Variants in USP40 observed in about 807,000 individuals in gnomAD.
The protein encoded by USP40 is ubiquitin specific peptidase 40, also known as ubiquitin carboxyl-terminal hydrolase 40.
A neutral mutation model predicts 166.2 loss-of-function variants in USP40; 143 were observed. That is an observed-to-expected ratio of 0.86 (90% CI 0.75 to 0.99). The LOEUF (loss-of-function observed/expected upper bound fraction) is 0.99, where lower values mean the gene tolerates loss of function less well. USP40 is among the 50% of genes least tolerant of loss of function. The pLI, the probability that USP40 is intolerant of heterozygous loss-of-function variation, is 0.00. For missense variants in USP40, 1,444 were observed against 1,479.7 expected, an observed-to-expected ratio of 0.98 and a Z score of 0.40; for synonymous variants, 498 against 524.0, an observed-to-expected ratio of 0.95 and a Z score of 0.68.
intron 28 of USP40, chr2:233,487,670 GAAC>G (rs1467239920): frequency 9.7e-6 from 2 of 206,748 alleles, no homozygotes; most frequent in Non-Finnish European, 2.0e-5. Context: ...AGCGAAAAAA[GAAC>G]AAGATGGTTT....
At chr2:233,482,354 A>G (rs1397362072) in intron 30 of USP40, among the ~76,000 whole-genome samples, 1 of 146,902 alleles carries the variant, frequency 6.8e-6, no homozygotes, top group African/African-American at 2.5e-5. Flanking sequence ...ACAGAGTGAG[A>G]CTCTGTCTCA....
rs11269235 is a variant in USP40 at position 233,553,061 on chromosome 2, T to TACTGGCCATAGGTACA, written c.693+1318_693+1319insTGTACCTATGGCCAGT. Among the ~76,000 whole-genome samples, 2 of 152,002 alleles carry TACTGGCCATAGGTACA rather than the reference T, an allele frequency of 1.3e-5. 1 individual carries two copies. The highest frequency in any genetic ancestry group is 4.2e-4 in the South Asian group (2 of 4,812). ...AACGACAGCAGCAGGGTTGATGCCA[T>TACTGGCCATAGGTACA]AGAAGCTGAGAAGGAAGGGACAGAG... On this transcript the variant is annotated intron_variant, in intron 6 of 31. Transcript: ENST00000678225.
At chr2:233,502,265 G>A (rs1343512280) in intron 21 of USP40, among the ~76,000 whole-genome samples, 2 of 152,080 alleles carry the variant, frequency 1.3e-5, no homozygotes, top group East Asian at 1.9e-4. Context: ...AAAAAACTGG[G>A]AAAATACCTG....
intron 11 of USP40, among the ~76,000 whole-genome samples, chr2:233,529,814 C>CCTTTTT (rs1553568210): frequency 6.0e-5 from 8 of 133,950 alleles, no homozygotes; most frequent in African/African-American, 2.3e-4. Context: ...TTTTCTTTTT[C>CCTTTTT]TTTTTTTTTT....
chr2:233,558,139 G>A (rs2071265812), intron 4 of USP40, among the ~76,000 whole-genome samples: 1 of 151,788 alleles, frequency 6.6e-6, no homozygotes, highest in Non-Finnish European at 1.5e-5. Context: ...TGGCTATGAT[G>A]GGATAGAAAA....
In USP40 at chr2:233,493,892, G is replaced by A. The variant is rs961390036; in HGVS notation, c.2791-341C>T. Among the ~76,000 whole-genome samples, 7 of 152,166 alleles carry A rather than the reference G, an allele frequency of 4.6e-5. No homozygotes were observed. The highest frequency in any genetic ancestry group is 7.3e-5 in the Non-Finnish European group (5 of 68,034). On this transcript the variant is annotated intron_variant, in intron 24 of 31. Transcript: ENST00000678225. The surrounding 1 kb of genome is among the most constrained non-coding windows in gnomAD (Gnocchi z 4.7). ...CAAGCACTGCTGGCCCAGGATACCA[G>A]TCCCAGCAGTGCAGTTTATCACACA...
chr2:233,531,525 G>T (rs1308186478), intron 11 of USP40, among the ~76,000 whole-genome samples: 1 of 152,064 alleles, frequency 6.6e-6, no homozygotes, highest in Non-Finnish European at 1.5e-5. Context: ...TCCATTTGAA[G>T]ATATTCTTTT....
chr2:233,549,236 G>GA lies in USP40; in HGVS notation c.838-8dup, dbSNP rs748008749. 1.2e-5 allele frequency: 16 copies of GA among 1,349,912 alleles called. No individual in the cohort carries two copies. In the East Asian group the frequency reaches 3.2e-4, roughly 27 times the overall value. 83.6% of individuals were successfully genotyped at this position (1,349,912 alleles called of 1,614,324 possible). On this transcript the variant is annotated splice_region_variant and splice_polypyrimidine_tract_variant and intron_variant, in intron 7 of 31. Transcript: ENST00000678225. Reference sequence around the variant, plus strand: ...CTAAGTCATCCAATTCACTCTAAAAGAAAAAAGAACAAAAATATTGATATA... The same window carrying GA: ...CTAAGTCATCCAATTCACTCTAAAAGAAAAAAAGAACAAAAATATTGATATA...
At chr2:233,494,248 T>C (rs1312122768) in intron 24 of USP40, among the ~76,000 whole-genome samples, 2 of 151,472 alleles carry the variant, frequency 1.3e-5, no homozygotes, top group East Asian at 3.8e-4. Flanking sequence ...ATTAAATAAA[T>C]GTAAATCAGA....
At position 233,480,940 on chromosome 2, in the gene USP40, A is replaced by C. The variant is rs560906841; in HGVS notation, c.3599+263T>G. ...CTGCGGGTGAGGAGGAAGGAGGGGG[A>C]CCGGGGGGCCATGGATCTGCGGGCT... On this transcript the variant is annotated intron_variant, in intron 31 of 31. Transcript: ENST00000678225. This position sits in a 1 kb window ranked among gnomAD's most constrained non-coding sequence, Gnocchi z 4.5. Among the ~76,000 whole-genome samples the C allele has an allele frequency of 6.6e-6, 1 of 152,072 alleles. No homozygotes were observed. Among genetic ancestry groups the C allele is most frequent in the Non-Finnish European group, 1.5e-5 (1 of 67,978 alleles).
chr2:233,487,798 T>C (rs1439820714), intron 28 of USP40: 3 of 364,264 alleles, frequency 8.2e-6, no homozygotes, highest in Non-Finnish European at 1.6e-5. Context: ...CAAGTACTTA[T>C]ATTCTAGTAG....
At position 233,529,510 on chromosome 2, in the gene USP40, G is replaced by A. The variant is rs776793900; in HGVS notation, c.1474C>T (p.Arg492Ter). ...KSQLQRPPEA[R>*]ANPRYGVPCH... ...GGAACCCCATATCTTGGATTAGCTCGAGCTGTGAACAAAATTTTTCATTAA... is the reference window on the plus strand; with the variant it reads ...GGAACCCCATATCTTGGATTAGCTCAAGCTGTGAACAAAATTTTTCATTAA... Residue 492 changes from arginine (R) to a stop codon, truncating the protein, a stop_gained and splice_region_variant, in exon 12 of 32, where the codon CGA (arginine) becomes TGA (stop). Transcript: ENST00000678225. LOFTEE classifies it high-confidence loss of function. 2.7e-5 allele frequency: 42 copies of A among 1,575,016 alleles called. No homozygotes were observed. The highest frequency in any genetic ancestry group is 3.4e-5 in the Non-Finnish European group (39 of 1,158,986).
intron 22 of USP40, 63 bp downstream of exon 22, chr2:233,499,816 A>G (rs1449805954): frequency 2.0e-6 from 3 of 1,514,318 alleles, no homozygotes; most frequent in Non-Finnish European, 2.7e-6. Flanking sequence ...CCTGGAGAAA[A>G]AAAAAGTCAA....
At position 233,559,860 on chromosome 2, in the gene USP40, G is replaced by C. The variant is rs1485269472; in HGVS notation, c.332C>G (p.Ala111Gly). Residue 111 changes from alanine to glycine, a missense_variant, in exon 4 of 32, where the codon GCT becomes GGT. Transcript: ENST00000678225. ...FAQLLLLDQE[A>G]ASTADLTDSF... ...GTCAGTGAGGTCTGCTGTGGATGCA[G>C]CTTCCTGGTCTAAGAGCAGAAGCTG... The C allele has an allele frequency of 1.9e-6, 3 of 1,610,756 alleles. No individual in the cohort carries two copies. The highest frequency in any genetic ancestry group is 2.7e-5 in the African/African-American group (2 of 75,018).
At chr2:233,521,155 T>C in intron 16 of USP40, 41 bp from the exon 17 acceptor site, 1 of 1,580,310 alleles carries the variant, frequency 6.3e-7, no homozygotes. Flanking sequence ...ATACCTTTCC[T>C]TAGGCATCAC....
intron 21 of USP40, among the ~76,000 whole-genome samples, chr2:233,506,153 T>A (rs564181494): frequency 6.6e-6 from 1 of 152,026 alleles, no homozygotes; most frequent in African/African-American, 2.4e-5. Flanking sequence ...GTCTGACACA[T>A]AGGCCAAAGC....
chr2:233,524,921 AT>A (rs1220979845), intron 14 of USP40, among the ~76,000 whole-genome samples: 2 of 152,356 alleles, frequency 1.3e-5, no homozygotes, highest in Non-Finnish European at 2.9e-5. Flanking sequence ...CAGTTTTCTC[AT>A]TTATGAAATG....
Position 233,521,127 on chromosome 2 carries a change from A to C in USP40, c.2202-13T>G. 1 of 1,602,550 alleles carries C rather than the reference A, an allele frequency of 6.2e-7. No homozygotes were observed. Among genetic ancestry groups the C allele is most frequent in the African/African-American group, 1.3e-5 (1 of 74,314 alleles). On this transcript the variant is annotated splice_polypyrimidine_tract_variant and intron_variant, in intron 16 of 31. Coordinates refer to ENST00000678225, the MANE Select transcript of USP40 (RefSeq NM_001365479.2). ...CTTGGTCAACAAGCTGTAGGTAAAA[A>C]GAAAAGATCAGAAATTAATACCTTT...
At chr2:233,563,666 C>G (rs2071864475) in intron 2 of USP40, among the ~76,000 whole-genome samples, 1 of 152,068 alleles carries the variant, frequency 6.6e-6, no homozygotes, top group Non-Finnish European at 1.5e-5. Context: ...CCAATGTAGC[C>G]CTATTATTTA....
Sources: gnomAD v4.1 joint callset for allele counts (sites outside exome capture counted in the v4.1 genomes callset) on GRCh38, gnomAD v4.1.1 for gene constraint, Gnocchi (gnomAD v3.1) non-coding constraint, MANE v1.5 for transcripts, NCBI Gene and HGNC (gene_info 2026-07-23, HGNC 2026-07-21) for gene names.